FTCDNL1: variants seen among roughly 807,000 people sequenced by gnomAD.
The protein encoded by FTCDNL1 is formiminotransferase N-terminal subdomain-containing protein.
A neutral mutation model predicts 5.9 loss-of-function variants in FTCDNL1; 11 were observed. The observed-to-expected ratio is 1.87, with a 90% CI of 1.18 to 3.10. FTCDNL1 has a LOEUF of 3.10. FTCDNL1 is among the 30% of genes most tolerant of loss of function. FTCDNL1 has a pLI of 0.00. For synonymous variants in FTCDNL1, 58 were observed against 24.8 expected (o/e 2.34, Z -3.99); for missense variants, 115 against 65.5 (o/e 1.76, Z -2.61).
chr2:199,819,558 A>G lies in FTCDNL1; in HGVS notation c.397+14T>C. On this transcript the variant is annotated intron_variant, in intron 4 of 4. Coordinates refer to ENST00000420128, the MANE Select transcript of FTCDNL1 (RefSeq NM_001363886.2). ...AAAAAAAAAACAGAGCAAAGCAAAA[A>G]CCATGCTCAGAACCTGTTAAACCAC... 1.4e-6 allele frequency: 1 copy of G among 700,328 alleles called. No homozygotes were observed. Among genetic ancestry groups the G allele is most frequent in the Admixed American group, 2.0e-5 (1 of 49,530 alleles). 43.4% of individuals were successfully genotyped at this position (700,328 alleles called of 1,614,324 possible).
chr2:199,696,687 T>G, the FTCDNL1 span, among the ~76,000 whole-genome samples: 1 of 151,614 alleles, frequency 6.6e-6, no homozygotes, highest in East Asian at 1.9e-4. Context: ...TAAAAGAACA[T>G]CAGTTTACAC....
intron 3 of FTCDNL1, among the ~76,000 whole-genome samples, chr2:199,801,868 G>A (rs1356955534): frequency 1.3e-5 from 2 of 148,868 alleles, no homozygotes; most frequent in Non-Finnish European, 3.0e-5. Context: ...AACCCAGAAG[G>A]CGGAGCTTGC....
chr2:199,771,013 A>ACAG (rs1698781701), intron 3 of FTCDNL1, among the ~76,000 whole-genome samples: 1 of 152,232 alleles, frequency 6.6e-6, no homozygotes, highest in Non-Finnish European at 1.5e-5. Context: ...GTACATGTAT[A>ACAG]CAGCACTGAA....
the FTCDNL1 span, among the ~76,000 whole-genome samples, chr2:199,728,273 G>T: frequency 4.0e-4 from 61 of 151,168 alleles, no homozygotes; most frequent in African/African-American, 1.4e-3. Flanking sequence ...TTTGAGACGG[G>T]GTCTTGCTCT....
chr2:199,836,397 C>A (rs1472858241), intron 3 of FTCDNL1, among the ~76,000 whole-genome samples: 1 of 152,202 alleles, frequency 6.6e-6, no homozygotes, highest in South Asian at 2.1e-4. Context: ...GTCTTGAACT[C>A]CTGGGCTCAA....
the FTCDNL1 span, among the ~76,000 whole-genome samples, chr2:199,677,076 T>C: frequency 6.6e-6 from 1 of 152,202 alleles, no homozygotes; most frequent in Non-Finnish European, 1.5e-5. Flanking sequence ...TACAGGGCCC[T>C]GGAGAAGCGT....
chr2:199,840,482 G>GT (rs1559243798), intron 3 of FTCDNL1, among the ~76,000 whole-genome samples: 1 of 152,008 alleles, frequency 6.6e-6, no homozygotes, highest in East Asian at 1.9e-4. Flanking sequence ...GTTTGTGTGA[G>GT]TGTGTGTGTG....
chr2:199,759,296 TG>T (rs200598433), downstream of FTCDNL1, among the ~76,000 whole-genome samples: 7 of 150,374 alleles, frequency 4.7e-5, no homozygotes, highest in African/African-American at 1.8e-4. Context: ...TATCATTTGT[TG>T]TTTTTTTTTT....
chr2:199,826,777 G>C (rs1285640517), intron 3 of FTCDNL1, among the ~76,000 whole-genome samples: 1 of 152,218 alleles, frequency 6.6e-6, no homozygotes, highest in Non-Finnish European at 1.5e-5. Flanking sequence ...CTGGGTGACA[G>C]AGCAAGACTC....
Position 199,841,649 on chromosome 2 carries a change from G to A in FTCDNL1, c.211+4426C>T, listed in dbSNP as rs115891284. Among the ~76,000 whole-genome samples, 520 of 151,850 alleles carry A rather than the reference G, an allele frequency of 3.4e-3. 2 individuals carry two copies. Among genetic ancestry groups the A allele is most frequent in the African/African-American group, 0.012 (487 of 41,426 alleles). On this transcript the variant is annotated intron_variant, in intron 3 of 4. Transcript: ENST00000420128. ...GCCAACCTTTTACATGCTGTCAAAT[G>A]ACAGCATGTAAAAAAAATGTATTCA...
intron 3 of FTCDNL1, among the ~76,000 whole-genome samples, chr2:199,789,502 G>A (rs1357990410): frequency 6.6e-6 from 1 of 152,004 alleles, no homozygotes; most frequent in Non-Finnish European, 1.5e-5. Flanking sequence ...TTATGAAAAA[G>A]CAAGCACATA....
At chr2:199,694,374 G>A in the FTCDNL1 span, among the ~76,000 whole-genome samples, 1 of 152,284 alleles carries the variant, frequency 6.6e-6, no homozygotes, top group African/African-American at 2.4e-5. Context: ...TACAATTTTT[G>A]AGGTACCCAA....
intron 3 of FTCDNL1, among the ~76,000 whole-genome samples, chr2:199,824,756 A>G (rs1701916616): frequency 6.6e-6 from 1 of 152,220 alleles, no homozygotes; most frequent in African/African-American, 2.4e-5. Flanking sequence ...AAGCAGTTGG[A>G]ATAACAACAT....
the FTCDNL1 span, among the ~76,000 whole-genome samples, chr2:199,748,374 A>C: frequency 2.6e-5 from 4 of 151,894 alleles, no homozygotes; most frequent in Non-Finnish European, 5.9e-5. Context: ...TTTTTTTTTG[A>C]AAACTATGTT....
At chr2:199,744,431 A>AACAC in the FTCDNL1 span, among the ~76,000 whole-genome samples, 1 of 151,514 alleles carries the variant, frequency 6.6e-6, no homozygotes, top group Admixed American at 6.6e-5. Context: ...TCTCTACACA[A>AACAC]ACACACACAC....
chr2:199,721,266 T>C, the FTCDNL1 span, among the ~76,000 whole-genome samples: 18 of 152,118 alleles, frequency 1.2e-4, no homozygotes, highest in African/African-American at 3.9e-4. Flanking sequence ...TTCCTGATGC[T>C]CTCCCTTCCC....
At chr2:199,817,582 T>G (rs1431680199) in intron 4 of FTCDNL1, among the ~76,000 whole-genome samples, 2 of 147,698 alleles carry the variant, frequency 1.4e-5, no homozygotes, top group African/African-American at 5.0e-5. Flanking sequence ...AGTCCAAGAG[T>G]TTTGAGACCA....
chr2:199,845,900 G>C (rs1327825183), intron 3 of FTCDNL1, among the ~76,000 whole-genome samples, 175 bp downstream of exon 3: 1 of 151,450 alleles, frequency 6.6e-6, no homozygotes, highest in Non-Finnish European at 1.5e-5. Flanking sequence ...AGGAAATGGA[G>C]ACTCTTTGAG....
chr2:199,763,090 A>G (rs1698347083), intron 3 of FTCDNL1, among the ~76,000 whole-genome samples: 1 of 152,246 alleles, frequency 6.6e-6, no homozygotes, highest in South Asian at 2.1e-4. Flanking sequence ...CTAAGTAACA[A>G]CACATTACTA....
Sources: gnomAD v4.1 joint callset for allele counts (sites outside exome capture counted in the v4.1 genomes callset) on GRCh38, gnomAD v4.1.1 for gene constraint, MANE v1.5 for transcripts, NCBI Gene and HGNC (gene_info 2026-07-23, HGNC 2026-07-21) for gene names.